The following CSMD3 variants were observed in gnomAD, a reference collection of about 807,000 sequenced individuals.
The protein encoded by CSMD3 is CUB and sushi domain-containing protein 3.
CSMD3 carries 177 observed loss-of-function variants against 435.2 expected under a neutral mutation model. The observed-to-expected ratio is 0.41, with a 90% CI of 0.36 to 0.46. CSMD3 has a LOEUF of 0.46. Among genes scored for constraint, CSMD3 ranks in the 20% least tolerant of loss-of-function variants. The pLI, the probability that CSMD3 is intolerant of heterozygous loss-of-function variation, is 0.34. For synonymous variants in CSMD3, 1,656 were observed against 1,520.5 expected (o/e 1.09, Z -2.07); for missense variants, 4,265 against 4,504.6 (o/e 0.95, Z 1.52).
chr8:112,584,694 T>G (rs191794801), intron 23 of CSMD3, among the ~76,000 whole-genome samples: 13 of 151,678 alleles, frequency 8.6e-5, no homozygotes, highest in Non-Finnish European at 1.9e-4. Flanking sequence ...TTCCAAAAAA[T>G]ATAATCAATG....
At chr8:112,236,047 G>A (rs1813563179) in intron 67 of CSMD3, among the ~76,000 whole-genome samples, 2 of 151,492 alleles carry the variant, frequency 1.3e-5, no homozygotes, top group South Asian at 4.2e-4. Flanking sequence ...TTAATATAAG[G>A]TAATTATATG....
chr8:113,385,290 C>T (rs1196541469), intron 1 of CSMD3, among the ~76,000 whole-genome samples: 2 of 151,978 alleles, frequency 1.3e-5, no homozygotes, highest in Non-Finnish European at 2.9e-5. Context: ...CCCTAATACC[C>T]TAATAAGAAA....
intron 18 of CSMD3, among the ~76,000 whole-genome samples, chr8:112,655,847 T>C (rs2075243951): frequency 6.6e-6 from 1 of 152,054 alleles, no homozygotes; most frequent in Admixed American, 6.5e-5. Flanking sequence ...TGGCAATTAC[T>C]GTCTATTATC....
intron 64 of CSMD3, among the ~76,000 whole-genome samples, chr8:112,245,836 C>A (rs1159314884): frequency 6.6e-6 from 1 of 152,126 alleles, no homozygotes; most frequent in African/African-American, 2.4e-5. Flanking sequence ...CCGTGCCTGG[C>A]CTAAATGGTT....
At chr8:113,218,658 T>C (rs909753345) in intron 3 of CSMD3, among the ~76,000 whole-genome samples, 6 of 151,040 alleles carry the variant, frequency 4.0e-5, no homozygotes, top group African/African-American at 1.5e-4. Context: ...TGAGAAAAAG[T>C]TAATAACTAG....
At chr8:112,480,124 T>G (rs1347500933) in intron 31 of CSMD3, among the ~76,000 whole-genome samples, 1 of 152,236 alleles carries the variant, frequency 6.6e-6, no homozygotes, top group Non-Finnish European at 1.5e-5. Context: ...AAGATTATTT[T>G]GGAACTTTAA....
At chr8:112,875,657 A>G (rs769610879) in intron 10 of CSMD3, among the ~76,000 whole-genome samples, 1 of 151,878 alleles carries the variant, frequency 6.6e-6, no homozygotes, top group African/African-American at 2.4e-5. Context: ...TTCATGCTTT[A>G]TTTCATTAAG....
intron 32 of CSMD3, among the ~76,000 whole-genome samples, chr8:112,467,372 A>T: frequency 6.6e-6 from 1 of 152,170 alleles, no homozygotes. Context: ...GGAATGCTAA[A>T]CATGAAATTA....
At chr8:112,238,811 T>A (rs1403059765) in intron 66 of CSMD3, among the ~76,000 whole-genome samples, 2 of 151,948 alleles carry the variant, frequency 1.3e-5, no homozygotes, top group African/African-American at 4.8e-5. Flanking sequence ...TCTCTTAATG[T>A]GATACATTAC....
rs1415321042 is a variant in CSMD3 at position 112,351,162 on chromosome 8, T to A, written c.6325+13A>T. The A allele has an allele frequency of 2.7e-6, 4 of 1,483,538 alleles. No homozygotes were observed. Among genetic ancestry groups the A allele is most frequent in the Non-Finnish European group, 3.8e-6 (4 of 1,062,094 alleles). The allele number at this position is 1,483,538 out of a possible 1,614,324, so 91.9% of individuals were successfully genotyped here. On this transcript the variant is annotated intron_variant, in intron 40 of 70. Coordinates refer to ENST00000297405, the MANE Select transcript of CSMD3 (RefSeq NM_198123.2). ...AAGTTCTAGGGTAAATACTTTATAG[T>A]CTTTTAACTTACCTAAACAAATTGG... is the stretch of plus-strand genomic sequence containing the variant.
intron 6 of CSMD3, among the ~76,000 whole-genome samples, chr8:112,986,442 G>A (rs1445293255): frequency 6.6e-6 from 1 of 151,996 alleles, no homozygotes; most frequent in Non-Finnish European, 1.5e-5. Context: ...GACATCACAA[G>A]GACATCTAGG....
chr8:112,415,394 G>A (rs1054450217), intron 32 of CSMD3, among the ~76,000 whole-genome samples: 2 of 152,216 alleles, frequency 1.3e-5, no homozygotes, highest in African/African-American at 4.8e-5. Flanking sequence ...CTGAGGTTTG[G>A]GAACCTCTAC....
At chr8:112,599,579 T>C (rs1288315709) in intron 22 of CSMD3, among the ~76,000 whole-genome samples, 1 of 151,294 alleles carries the variant, frequency 6.6e-6, no homozygotes, top group African/African-American at 2.4e-5. Flanking sequence ...CGTATGTTTA[T>C]TGCGGCATTA....
chr8:113,092,507 C>T (rs1378417232), intron 5 of CSMD3, among the ~76,000 whole-genome samples: 2 of 152,036 alleles, frequency 1.3e-5, no homozygotes, highest in Non-Finnish European at 2.9e-5. Context: ...CCCTGAGTCC[C>T]TAACAGCCAA....
At chr8:112,574,194 T>C (rs985254508) in intron 23 of CSMD3, among the ~76,000 whole-genome samples, 12 of 152,134 alleles carry the variant, frequency 7.9e-5, no homozygotes, top group South Asian at 2.1e-4. Flanking sequence ...AAAGCAAAAA[T>C]ACACAAAAAT....
chr8:113,369,147 A>G (rs1409439046), intron 1 of CSMD3, among the ~76,000 whole-genome samples: 2 of 151,922 alleles, frequency 1.3e-5, no homozygotes, highest in African/African-American at 4.8e-5. Flanking sequence ...TTCTCACCAT[A>G]TTTTTCAGAA....
intron 3 of CSMD3, among the ~76,000 whole-genome samples, chr8:113,246,195 G>C (rs541149589): frequency 6.6e-6 from 1 of 151,358 alleles, no homozygotes; most frequent in East Asian, 1.9e-4. Context: ...CTTCATCATA[G>C]AGTCCCGTTA....
intron 10 of CSMD3, among the ~76,000 whole-genome samples, chr8:112,874,157 T>C (rs928622599): frequency 2.0e-5 from 3 of 152,200 alleles, no homozygotes; most frequent in Non-Finnish European, 4.4e-5. Flanking sequence ...TGCCTTAATT[T>C]TGTTATTTAC....
In CSMD3 at chr8:112,407,255, A is replaced by G. The variant is rs141539968; in HGVS notation, c.5606-528T>C. On this transcript the variant is annotated intron_variant, in intron 34 of 70. Coordinates refer to ENST00000297405, the MANE Select transcript of CSMD3 (RefSeq NM_198123.2). ...TATTGAGAAAGATAACTACATTTGG[A>G]CTAGGTAGAATATATGTCAGACAGA... Among the ~76,000 whole-genome samples, 75 of 152,148 alleles carry G rather than the reference A, an allele frequency of 4.9e-4. No individual in the cohort carries two copies. In the East Asian group the frequency reaches 0.014, roughly 28 times the overall value.
Sources: allele counts gnomAD v4.1 joint callset (sites outside exome capture counted in the v4.1 genomes callset), GRCh38; gene constraint gnomAD v4.1.1; transcripts MANE v1.5; gene names NCBI Gene and HGNC (gene_info 2026-07-23, HGNC 2026-07-21).